Variants in STX2 observed in about 807,000 individuals in gnomAD.
The protein encoded by STX2 is syntaxin-2.
STX2 carries 27 observed loss-of-function variants against 40.6 expected under a neutral mutation model. The observed-to-expected ratio is 0.66, with a 90% confidence interval of 0.49 to 0.92. The LOEUF (loss-of-function observed/expected upper bound fraction) is 0.92, where lower values mean the gene tolerates loss of function less well. STX2 is among the 40% of genes least tolerant of loss of function. The probability of loss-of-function intolerance (pLI) is 0.00; values close to 1 mark genes in which losing one functional copy is unlikely to be tolerated. For synonymous variants in STX2, 123 were observed against 119.1 expected (o/e 1.03, Z -0.22); for missense variants, 328 against 366.1 (o/e 0.90, Z 0.85).
chr12:130,809,674 G>A (rs900128331), intron 4 of STX2, among the ~76,000 whole-genome samples: 4 of 152,106 alleles, frequency 2.6e-5, no homozygotes, highest in African/African-American at 9.7e-5. Context: ...AAAATTAGCT[G>A]GGTGTGGTGG....
chr12:130,791,746 T>A lies in STX2; in HGVS notation c.*277A>T. The A allele has an allele frequency of 1.5e-6, 1 of 653,590 alleles. No individual in the cohort carries two copies. The highest frequency in any genetic ancestry group is 1.9e-5 in the South Asian group (1 of 53,668). The allele number at this position is 653,590 out of a possible 1,614,324, so 40.5% of individuals were successfully genotyped here. A position where few individuals can be genotyped will look rare whatever the true frequency, so the allele number is the denominator to read the frequency against. ...ACGGCGCTGTCACTGAACAAGACGTTCGGTTGTGCTTCTTCCGTGAACTCA... is the reference window on the plus strand; with the variant it reads ...ACGGCGCTGTCACTGAACAAGACGTACGGTTGTGCTTCTTCCGTGAACTCA... On this transcript the variant is annotated 3_prime_UTR_variant, in exon 11 of 11. Transcript: ENST00000392373.
intron 2 of STX2, among the ~76,000 whole-genome samples, chr12:130,822,492 A>G (rs990396910): frequency 3.3e-5 from 5 of 152,194 alleles, no homozygotes; most frequent in South Asian, 2.1e-4. Flanking sequence ...CCAAGGCTTC[A>G]TAATTATTAT....
At chr12:130,795,751 T>TA (rs1252120492) in intron 10 of STX2, among the ~76,000 whole-genome samples, 2 of 151,966 alleles carry the variant, frequency 1.3e-5, no homozygotes, top group Admixed American at 1.3e-4. Context: ...AAAACACTTT[T>TA]AAAAACGGGA....
intron 6 of STX2, among the ~76,000 whole-genome samples, chr12:130,806,006 G>C (rs1164165118): frequency 6.6e-6 from 1 of 152,146 alleles, no homozygotes; most frequent in African/African-American, 2.4e-5. Flanking sequence ...AAAACACCCA[G>C]CAGAACTAGC....
chr12:130,807,173 C>T, intron 5 of STX2, 83 bp from the exon 6 acceptor site: 1 of 1,312,954 alleles, frequency 7.6e-7, no homozygotes, highest in Non-Finnish European at 1.1e-6. Context: ...ATTTTGGAAA[C>T]TCAAACTACA....
At chr12:130,813,993 ACT>A (rs1413758458) in intron 3 of STX2, among the ~76,000 whole-genome samples, 1 of 151,976 alleles carries the variant, frequency 6.6e-6, no homozygotes, top group African/African-American at 2.4e-5. Flanking sequence ...AGAGATGCCC[ACT>A]CTCTTCCTGA....
intron 3 of STX2, among the ~76,000 whole-genome samples, 172 bp downstream of exon 3, chr12:130,821,517 A>C (rs867073467): frequency 6.6e-6 from 1 of 152,066 alleles, no homozygotes; most frequent in African/African-American, 2.4e-5. Flanking sequence ...AAAAAAAAAC[A>C]TACAGATGCC....
intron 9 of STX2, among the ~76,000 whole-genome samples, chr12:130,797,438 T>TA (rs1245190960): frequency 1.3e-5 from 2 of 152,148 alleles, no homozygotes; most frequent in South Asian, 2.1e-4. Context: ...CGAGCATACT[T>TA]AGACATACCC....
intron 6 of STX2, among the ~76,000 whole-genome samples, chr12:130,806,145 G>A (rs1199884514): frequency 6.6e-6 from 1 of 152,236 alleles, no homozygotes; most frequent in Non-Finnish European, 1.5e-5. Context: ...GCCTCGCTGA[G>A]CTGTGGGACA....
intron 2 of STX2, among the ~76,000 whole-genome samples, chr12:130,823,139 C>T (rs562450920): frequency 5.6e-4 from 85 of 152,036 alleles, no homozygotes; most frequent in African/African-American, 1.8e-3. Context: ...CCCATCTCTA[C>T]AAAAACTTTA....
intron 9 of STX2, among the ~76,000 whole-genome samples, chr12:130,798,184 T>C (rs1593115604): frequency 1.3e-5 from 2 of 150,042 alleles, no homozygotes; most frequent in African/African-American, 2.5e-5. Flanking sequence ...GAGGTGGAGG[T>C]TGCAGTGAGC....
intron 3 of STX2, among the ~76,000 whole-genome samples, chr12:130,820,260 C>T (rs1952061733): frequency 6.6e-6 from 1 of 152,212 alleles, no homozygotes; most frequent in Non-Finnish European, 1.5e-5. Flanking sequence ...GACAATCCAA[C>T]ATAAGCTACA....
rs139042049 is a variant in STX2 at position 130,792,836 on chromosome 12, T to C, written c.*46-859A>G. Among the ~76,000 whole-genome samples the C allele has an allele frequency of 2.6e-5, 4 of 152,352 alleles. No homozygotes were observed. In the East Asian group the frequency reaches 7.7e-4, roughly 29 times the overall value. On this transcript the variant is annotated intron_variant, in intron 10 of 10. Coordinates refer to ENST00000392373, the MANE Select transcript of STX2 (RefSeq NM_194356.4). ...ACAAGACATTCATTCATTCTTCTAC[T>C]GCACTGATGGTCTGGAAGCAGGGTG...
At chr12:130,803,680 A>C (rs1242143950) in intron 6 of STX2, among the ~76,000 whole-genome samples, 1 of 124,568 alleles carries the variant, frequency 8.0e-6, no homozygotes. Context: ...AAAAAAAAAA[A>C]AAAAAAAAAC....
intron 9 of STX2, among the ~76,000 whole-genome samples, chr12:130,797,537 G>C (rs555547899): frequency 6.6e-6 from 1 of 152,126 alleles, no homozygotes; most frequent in African/African-American, 2.4e-5. Context: ...CCTGCAGCCC[G>C]GGGGTGCGTC....
Position 130,821,783 on chromosome 12 carries a change from C to A in STX2, c.111G>T (p.Glu37Asp). ...HFMDDFFHQV[E>D]EIRNSIDKIT... is the part of the protein sequence containing the mutation. ...TTTTATCAATACTGTTTCTAATCTC[C>A]TCCACCTAGGAGAGAGAGAGAGTCA... Residue 37 changes from glutamate to aspartate, a missense_variant, in exon 3 of 11, where the codon GAG (glutamate) becomes GAT (aspartate). Transcript: ENST00000392373. 2 of 1,603,424 alleles carry A rather than the reference C, an allele frequency of 1.2e-6. No homozygotes were observed. The highest frequency in any genetic ancestry group is 1.7e-6 in the Non-Finnish European group (2 of 1,170,366).
chr12:130,808,625 G>A lies in STX2; in HGVS notation c.354+6C>T. ...TACTTTAATCTAAACGAGGCTGATA[G>A]CAAACCTGGGTTCTTCGTATCCGAA... is the stretch of plus-strand genomic sequence containing the variant. On this transcript the variant is annotated splice_donor_region_variant and intron_variant, in intron 5 of 10. Coordinates refer to ENST00000392373, the MANE Select transcript of STX2 (RefSeq NM_194356.4). 1 of 1,611,456 alleles carries A rather than the reference G, an allele frequency of 6.2e-7. No individual in the cohort carries two copies. The highest frequency in any genetic ancestry group is 1.7e-5 in the Admixed American group (1 of 59,396).
At chr12:130,831,974 G>A (rs1952580482) in intron 1 of STX2, among the ~76,000 whole-genome samples, 1 of 150,314 alleles carries the variant, frequency 6.7e-6, no homozygotes, top group Non-Finnish European at 1.5e-5. Context: ...GGGCTCAGGT[G>A]ATCCCTTTGC....
intron 4 of STX2, 80 bp downstream of exon 4, chr12:130,812,874 AAAG>A (rs1304944711): frequency 1.9e-5 from 19 of 996,890 alleles, no homozygotes; most frequent in Non-Finnish European, 2.1e-5. Context: ...TAAAAATGTA[AAAG>A]AACAAAAACC....
Sources: allele counts gnomAD v4.1 joint callset (sites outside exome capture counted in the v4.1 genomes callset), GRCh38; gene constraint gnomAD v4.1.1; transcripts MANE v1.5; gene names NCBI Gene and HGNC (gene_info 2026-07-23, HGNC 2026-07-21).